The following SPAG6 variants were observed in gnomAD, a reference collection of about 807,000 sequenced individuals.
The protein encoded by SPAG6 is sperm associated antigen 6, also known as sperm-associated antigen 6.
In SPAG6, 49 loss-of-function variants were observed where a neutral mutation model predicts 58.5. The ratio of observed to expected loss-of-function variants is 0.84; its 90% confidence interval spans 0.67 to 1.06. The LOEUF (loss-of-function observed/expected upper bound fraction) is 1.06. SPAG6 is among the 50% of genes least tolerant of loss of function. The pLI, the probability that SPAG6 is intolerant of heterozygous loss-of-function variation, is 0.00. For missense variants in SPAG6, 560 were observed against 611.3 expected (o/e 0.92, Z 0.89); for synonymous variants, 233 against 225.6 (o/e 1.03, Z -0.29).
intron 4 of SPAG6, among the ~76,000 whole-genome samples, chr10:22,379,251 T>C (rs1337446227): frequency 1.3e-5 from 2 of 152,142 alleles, no homozygotes; most frequent in African/African-American, 4.8e-5. Context: ...TGGAGGGATG[T>C]TGTCTTGCAG....
At chr10:22,377,420 T>C (rs548648281) in intron 4 of SPAG6, among the ~76,000 whole-genome samples, 1 of 152,348 alleles carries the variant, frequency 6.6e-6, no homozygotes, top group African/African-American at 2.4e-5. Flanking sequence ...TTTGGGATTG[T>C]GTGTTACATG....
At chr10:22,414,320 T>C (rs1462529728) in intron 10 of SPAG6, among the ~76,000 whole-genome samples, 1 of 152,190 alleles carries the variant, frequency 6.6e-6, no homozygotes, top group Non-Finnish European at 1.5e-5. Flanking sequence ...GGGATAGCTG[T>C]GGTTGCTGGC....
intron 10 of SPAG6, among the ~76,000 whole-genome samples, chr10:22,415,137 A>C (rs958260619): frequency 5.9e-5 from 9 of 152,106 alleles, no homozygotes; most frequent in African/African-American, 2.2e-4. Context: ...GGTGGCTCCC[A>C]TATTTAACAT....
intron 8 of SPAG6, among the ~76,000 whole-genome samples, chr10:22,397,616 C>T (rs553639839): frequency 6.6e-6 from 1 of 152,250 alleles, no homozygotes; most frequent in South Asian, 2.1e-4. Context: ...TGCTGCTGGT[C>T]TCTCAATTGT....
At chr10:22,405,308 C>T (rs1204902653) in intron 9 of SPAG6, among the ~76,000 whole-genome samples, 5 of 151,872 alleles carry the variant, frequency 3.3e-5, no homozygotes. Flanking sequence ...TGAGATATGT[C>T]CCATCAATAC....
intron 2 of SPAG6, among the ~76,000 whole-genome samples, chr10:22,349,447 A>G (rs1836657933): frequency 1.3e-5 from 2 of 152,212 alleles, no homozygotes; most frequent in South Asian, 2.1e-4. Context: ...ACTTCTACCA[A>G]TTGTAAAATT....
At position 22,376,635 on chromosome 10, in the gene SPAG6, A is replaced by ATG. The variant is rs143921983; in HGVS notation, c.472+7975_472+7976dup. The stretch of plus-strand genomic sequence containing the variant: ...CATGCATGTGCGTATACTTGTGGAC[A>ATG]TGTGTGTGTGTGTGTGTGTATGACC... On this transcript the variant is annotated intron_variant, in intron 4 of 10. Transcript: ENST00000376624. 9.4e-3 allele frequency among the ~76,000 whole-genome samples: 1,410 copies of ATG among 150,120 alleles called. 16 individuals carry two copies. Among genetic ancestry groups the ATG allele is most frequent in the African/African-American group, 0.027 (1,105 of 41,064 alleles).
chr10:22,382,306 C>T (rs1833974664), intron 4 of SPAG6, among the ~76,000 whole-genome samples: 1 of 152,116 alleles, frequency 6.6e-6, no homozygotes, highest in South Asian at 2.1e-4. Flanking sequence ...AACAACTGAT[C>T]ATCAGATTTG....
chr10:22,347,950 A>G (rs539873836), intron 2 of SPAG6, among the ~76,000 whole-genome samples: 1 of 152,302 alleles, frequency 6.6e-6, no homozygotes, highest in African/African-American at 2.4e-5. Flanking sequence ...CAATGTATTT[A>G]TTCTTTTGAT....
rs1834109000 is a variant in SPAG6, at chr10:22,388,075, G to A, written c.852+79G>A. 2.6e-6 allele frequency: 3 copies of A among 1,163,816 alleles called. 1 individual carries two copies. In the South Asian group the frequency reaches 4.8e-5, roughly 19 times the overall value. The allele number at this position is 1,163,816 out of a possible 1,614,324, so 72.1% of individuals were successfully genotyped here. A position where few individuals can be genotyped will look rare whatever the true frequency, so the allele number is the denominator to read the frequency against. ...AATAAAACATCAATTTGTTTATAGG[G>A]CCTAGGGGTTGTGGCACATGATCTA... On this transcript the variant is annotated intron_variant, in intron 6 of 10. Coordinates refer to ENST00000376624, the MANE Select transcript of SPAG6 (RefSeq NM_012443.4).
At chr10:22,346,369 A>G (rs1041391625) in intron 2 of SPAG6, among the ~76,000 whole-genome samples, 15 of 151,564 alleles carry the variant, frequency 9.9e-5, no homozygotes, top group Non-Finnish European at 1.6e-4. Context: ...AGGGGGAGAG[A>G]GGGGGAGAGG....
intron 10 of SPAG6, chr10:22,412,536 ATAT>A: frequency 8.0e-7 from 1 of 1,248,862 alleles, no homozygotes; most frequent in Non-Finnish European, 1.1e-6. Flanking sequence ...AAGCTTTGAA[ATAT>A]TAATATATAT....
intron 10 of SPAG6, chr10:22,413,123 G>A (rs2130650897): frequency 1.5e-5 from 2 of 130,886 alleles, no homozygotes; most frequent in African/African-American, 3.0e-5. Context: ...TGACCTATTA[G>A]AATCAACCAA....
chr10:22,378,348 G>A (rs956029382), intron 4 of SPAG6, among the ~76,000 whole-genome samples: 14 of 151,512 alleles, frequency 9.2e-5, no homozygotes, highest in African/African-American at 3.2e-4. Flanking sequence ...ACAGGCGTGA[G>A]CCAGTGCGTC....
At chr10:22,357,059 A>G (rs1836889876) in intron 2 of SPAG6, among the ~76,000 whole-genome samples, 1 of 152,138 alleles carries the variant, frequency 6.6e-6, no homozygotes, top group East Asian at 1.9e-4. Context: ...TTTTGTCAAC[A>G]TATGAAACTC....
chr10:22,345,943 C>T lies in SPAG6; in HGVS notation c.121+125C>T, dbSNP rs771580208. The T allele has an allele frequency of 2.6e-6, 4 of 1,559,498 alleles. No homozygotes were observed. On this transcript the variant is annotated intron_variant, in intron 2 of 10. Transcript: ENST00000376624. This position sits in a 1 kb window ranked among gnomAD's most constrained non-coding sequence, Gnocchi z 6.3. Reference sequence around the variant, plus strand: ...TGGGGACCGGAGTTCGCAAAAGCATCCATTCTTTTCAGCGGGTCTTTGGGG... The same window carrying T: ...TGGGGACCGGAGTTCGCAAAAGCATTCATTCTTTTCAGCGGGTCTTTGGGG...
intron 8 of SPAG6, among the ~76,000 whole-genome samples, chr10:22,395,473 T>C (rs1171533675): frequency 2.0e-5 from 3 of 152,180 alleles, no homozygotes; most frequent in African/African-American, 7.2e-5. Flanking sequence ...ATTTGTCAAA[T>C]GGCTAATGAT....
chr10:22,396,522 T>C (rs1834296474), intron 8 of SPAG6, among the ~76,000 whole-genome samples: 1 of 152,098 alleles, frequency 6.6e-6, no homozygotes, highest in South Asian at 2.1e-4. Context: ...CAATACAAAC[T>C]CTACTATGTT....
intron 8 of SPAG6, among the ~76,000 whole-genome samples, chr10:22,394,829 C>G (rs1332747971): frequency 1.3e-5 from 2 of 152,140 alleles, no homozygotes; most frequent in African/African-American, 2.4e-5. Context: ...GCCTTAGCCT[C>G]CCAAGTAGCT....
Sources: allele counts gnomAD v4.1 joint callset (sites outside exome capture counted in the v4.1 genomes callset), GRCh38; gene constraint gnomAD v4.1.1; non-coding constraint Gnocchi (gnomAD v3.1); transcripts MANE v1.5; gene names NCBI Gene and HGNC (gene_info 2026-07-23, HGNC 2026-07-21).